The following TASP1 variants were observed in gnomAD, a reference collection of about 807,000 sequenced individuals.
TASP1 encodes the protein taspase 1.
TASP1 carries 16 observed loss-of-function variants against 56.6 expected under a neutral mutation model. That is an observed-to-expected ratio of 0.28 (90% CI 0.19 to 0.43). The LOEUF (loss-of-function observed/expected upper bound fraction) is 0.43, where lower values mean the gene tolerates loss of function less well. Among genes scored for constraint, TASP1 ranks in the 20% least tolerant of loss-of-function variants. The pLI is 1.00. For missense variants in TASP1, 393 were observed against 511.6 expected, an observed-to-expected ratio of 0.77 and a Z score of 2.24; for synonymous variants, 179 against 184.2, an observed-to-expected ratio of 0.97 and a Z score of 0.23.
chr20:13,515,709 A>G (rs902177771), intron 10 of TASP1, among the ~76,000 whole-genome samples: 2 of 152,212 alleles, frequency 1.3e-5, no homozygotes, highest in Non-Finnish European at 2.9e-5. Flanking sequence ...AAATATCTAC[A>G]TGTCAAACAT....
chr20:13,633,660 A>G (rs1479572572), intron 1 of TASP1, among the ~76,000 whole-genome samples: 1 of 152,176 alleles, frequency 6.6e-6, no homozygotes, highest in Non-Finnish European at 1.5e-5. Flanking sequence ...TGTTTTTATC[A>G]TATATGTAAT....
chr20:13,143,126 T>A, the TASP1 span, among the ~76,000 whole-genome samples: 1 of 152,092 alleles, frequency 6.6e-6, no homozygotes, highest in East Asian at 1.9e-4. Flanking sequence ...AACATGTAAT[T>A]CTTAAAAATA....
At chr20:13,265,971 G>A in the TASP1 span, among the ~76,000 whole-genome samples, 8 of 152,112 alleles carry the variant, frequency 5.3e-5, no homozygotes, top group Admixed American at 1.3e-4. Flanking sequence ...CCTGCCAGCC[G>A]CCTCATTTCA....
the TASP1 span, among the ~76,000 whole-genome samples, chr20:13,180,338 C>G: frequency 6.6e-6 from 1 of 152,188 alleles, no homozygotes; most frequent in Non-Finnish European, 1.5e-5. Flanking sequence ...CTACCAAGCC[C>G]TATTCTAGGT....
chr20:13,273,800 C>G, the TASP1 span, among the ~76,000 whole-genome samples: 10 of 152,310 alleles, frequency 6.6e-5, no homozygotes, highest in Non-Finnish European at 1.2e-4. Context: ...GCCTACTGCC[C>G]AGTCAAGTTA....
chr20:13,552,264 A>T (rs567479435), intron 8 of TASP1, among the ~76,000 whole-genome samples: 2 of 152,212 alleles, frequency 1.3e-5, no homozygotes, highest in Non-Finnish European at 2.9e-5. Context: ...CATCACGATC[A>T]GTGACCAATC....
At chr20:13,403,491 C>A (rs750696400) in intron 13 of TASP1, among the ~76,000 whole-genome samples, 1 of 152,172 alleles carries the variant, frequency 6.6e-6, no homozygotes, top group Non-Finnish European at 1.5e-5. Context: ...AATGCAGCAT[C>A]TATTACATGC....
At chr20:13,606,971 C>G (rs967815339) in intron 4 of TASP1, among the ~76,000 whole-genome samples, 4 of 151,974 alleles carry the variant, frequency 2.6e-5, no homozygotes, top group African/African-American at 9.7e-5. Flanking sequence ...TGAGCTATAA[C>G]CCCTTAAGCA....
intron 10 of TASP1, among the ~76,000 whole-genome samples, chr20:13,511,509 A>G (rs1433295728): frequency 6.6e-6 from 1 of 152,182 alleles, no homozygotes; most frequent in Non-Finnish European, 1.5e-5. Flanking sequence ...AAAGGGTAAT[A>G]GATTTTATCA....
chr20:13,243,943 G>C, the TASP1 span: 1 of 152,200 alleles, frequency 6.6e-6, no homozygotes, highest in African/African-American at 2.4e-5. Flanking sequence ...TAATATGTTT[G>C]CTTAGTGGAA....
In TASP1 at chr20:13,474,884, T is replaced by C. The variant is rs916983705; in HGVS notation, c.985+8343A>G. Reference sequence around the variant, plus strand: ...TTTTAATTTGCATTTCCCTAATGATTAGTGATATTGAGCATTTTTTTCATG... The same window carrying C: ...TTTTAATTTGCATTTCCCTAATGATCAGTGATATTGAGCATTTTTTTCATG... On this transcript the variant is annotated intron_variant, in intron 11 of 13. Coordinates refer to ENST00000337743, the MANE Select transcript of TASP1 (RefSeq NM_017714.3). Among the ~76,000 whole-genome samples the C allele has an allele frequency of 9.8e-5, 15 of 152,300 alleles. 1 individual carries two copies. The highest frequency in any genetic ancestry group is 3.6e-4 in the African/African-American group (15 of 41,576).
the TASP1 span, among the ~76,000 whole-genome samples, chr20:13,370,749 TAAG>T: frequency 2.8e-4 from 42 of 152,254 alleles, no homozygotes; most frequent in Middle Eastern, 3.4e-3. Context: ...GATGTCCTTA[TAAG>T]AAGAGGAGAT....
chr20:13,305,217 A>C, the TASP1 span, among the ~76,000 whole-genome samples: 1 of 139,792 alleles, frequency 7.2e-6, no homozygotes, highest in Non-Finnish European at 1.6e-5. Context: ...AAAAAAAAAA[A>C]AACCCTTAAT....
At chr20:13,339,639 A>G in the TASP1 span, among the ~76,000 whole-genome samples, 1 of 152,138 alleles carries the variant, frequency 6.6e-6, no homozygotes, top group African/African-American at 2.4e-5. Context: ...GTAGACACCA[A>G]TAATACAAAA....
the TASP1 span, among the ~76,000 whole-genome samples, chr20:13,317,869 T>C: frequency 6.6e-6 from 1 of 152,020 alleles, no homozygotes; most frequent in South Asian, 2.1e-4. Context: ...AAAATCTAGA[T>C]GACCTTGTGT....
the TASP1 span, among the ~76,000 whole-genome samples, chr20:13,106,225 AGTCTAC>A: frequency 2.6e-5 from 4 of 152,198 alleles, no homozygotes; most frequent in East Asian, 7.7e-4. Context: ...CCTGTCTCCT[AGTCTAC>A]GTTCTTTCTC....
At chr20:13,238,473 A>G in the TASP1 span, among the ~76,000 whole-genome samples, 1 of 152,058 alleles carries the variant, frequency 6.6e-6, no homozygotes. Context: ...GCCAAATTAA[A>G]CTCCTGGATC....
At chr20:13,289,692 G>C in the TASP1 span, among the ~76,000 whole-genome samples, 2 of 151,940 alleles carry the variant, frequency 1.3e-5, no homozygotes, top group Non-Finnish European at 2.9e-5. Flanking sequence ...GGAGGAAGAG[G>C]AGGAGGAAGC....
At chr20:13,432,245 G>A (rs1034563859) in intron 12 of TASP1, among the ~76,000 whole-genome samples, 1 of 152,154 alleles carries the variant, frequency 6.6e-6, no homozygotes, top group Non-Finnish European at 1.5e-5. Flanking sequence ...AGGGAAGTGG[G>A]ACATGGTGTG....
Sources: gnomAD v4.1 joint callset for allele counts (sites outside exome capture counted in the v4.1 genomes callset) on GRCh38, gnomAD v4.1.1 for gene constraint, MANE v1.5 for transcripts, NCBI Gene and HGNC (gene_info 2026-07-23, HGNC 2026-07-21) for gene names.